The following BLTP3A variants were observed in gnomAD, a reference collection of about 807,000 sequenced individuals.
BLTP3A encodes the protein bridge-like lipid transfer protein family member 3A.
chr6:34,864,101 G>T, the BLTP3A span: 1 of 1,614,094 alleles, frequency 6.2e-7, no homozygotes, highest in Non-Finnish European at 8.5e-7. Flanking sequence ...TATCTCAACA[G>T]TCATTTGATG....
At chr6:34,805,592 CAAA>C in the BLTP3A span, among the ~76,000 whole-genome samples, 992 of 96,112 alleles carry the variant, frequency 0.01, 13 homozygotes, top group African/African-American at 0.031. Context: ...GACTTGGTCT[CAAA>C]AAAAAAAAAA....
chr6:34,845,715 G>C, the BLTP3A span, among the ~76,000 whole-genome samples: 8 of 152,004 alleles, frequency 5.3e-5, no homozygotes, highest in Non-Finnish European at 1.0e-4. Flanking sequence ...TCCTGCCTCA[G>C]CCTCCTGAGT....
the BLTP3A span, among the ~76,000 whole-genome samples, chr6:34,834,007 C>T: frequency 2.0e-5 from 3 of 150,392 alleles, no homozygotes; most frequent in Non-Finnish European, 4.4e-5. Context: ...GAGGCTGAGA[C>T]GAGAGGATCA....
At chr6:34,824,169 C>T in the BLTP3A span, among the ~76,000 whole-genome samples, 1 of 152,040 alleles carries the variant, frequency 6.6e-6, no homozygotes, top group African/African-American at 2.4e-5. Context: ...GTGAACCCAC[C>T]TGCAAATACT....
the BLTP3A span, among the ~76,000 whole-genome samples, chr6:34,847,921 C>CTTTCTTTTTTTTTTTTTTTTTTTTTTTTT: frequency 1.1e-4 from 10 of 91,168 alleles, 1 homozygote; most frequent in East Asian, 9.3e-4. Context: ...TCTTTTTTTC[C>CTTTCTTTTTTTTTTTTTTTTTTTTTTTTT]TTTTTTTTTT....
the BLTP3A span, among the ~76,000 whole-genome samples, chr6:34,868,167 G>A: frequency 1.6e-4 from 25 of 152,118 alleles, no homozygotes; most frequent in African/African-American, 5.1e-4. Context: ...TTAGCTGGGC[G>A]TGGTGGCGGG....
the BLTP3A span, chr6:34,870,838 G>A: frequency 1.1e-5 from 17 of 1,611,956 alleles, no homozygotes; most frequent in Non-Finnish European, 1.4e-5. Flanking sequence ...TGTCTTCCTT[G>A]TCTTTCTTCA....
At chr6:34,858,358 C>T in the BLTP3A span, 1 of 1,614,136 alleles carries the variant, frequency 6.2e-7, no homozygotes. Flanking sequence ...TTTTTTGCAT[C>T]ATGCCTTTCA....
the BLTP3A span, among the ~76,000 whole-genome samples, chr6:34,827,824 G>T: frequency 6.6e-6 from 1 of 152,036 alleles, no homozygotes; most frequent in Admixed American, 6.6e-5. Context: ...TAAGGACGGG[G>T]TTTCACCATG....
chr6:34,821,998 C>T, the BLTP3A span: 1 of 1,612,894 alleles, frequency 6.2e-7, no homozygotes, highest in Non-Finnish European at 8.5e-7. Context: ...TGGGGATGGC[C>T]AGGGTAGGCT....
the BLTP3A span, among the ~76,000 whole-genome samples, chr6:34,814,490 C>T: frequency 1.3e-5 from 2 of 152,208 alleles, no homozygotes; most frequent in Non-Finnish European, 2.9e-5. Flanking sequence ...ATCATTATTA[C>T]AGTCACAGGA....
the BLTP3A span, chr6:34,873,675 T>C: frequency 1.3e-5 from 2 of 152,216 alleles, no homozygotes; most frequent in Non-Finnish European, 2.9e-5. Context: ...GTTCATCAGC[T>C]AACTTACCTT....
the BLTP3A span, chr6:34,834,452 A>G: frequency 6.3e-7 from 1 of 1,599,354 alleles, no homozygotes; most frequent in Non-Finnish European, 8.5e-7. Flanking sequence ...GGAATATTCA[A>G]AGTCAGACTG....
At chr6:34,813,474 C>T in the BLTP3A span, among the ~76,000 whole-genome samples, 2 of 152,226 alleles carry the variant, frequency 1.3e-5, no homozygotes, top group Non-Finnish European at 2.9e-5. Context: ...ACATTGCAAT[C>T]CTCTGGCAGA....
At chr6:34,824,798 G>A in the BLTP3A span, among the ~76,000 whole-genome samples, 1 of 151,678 alleles carries the variant, frequency 6.6e-6, no homozygotes, top group African/African-American at 2.4e-5. Context: ...GGCCTCCTGA[G>A]TAGCTGGAAT....
chr6:34,832,310 C>T, the BLTP3A span, among the ~76,000 whole-genome samples: 1 of 151,772 alleles, frequency 6.6e-6, no homozygotes, highest in African/African-American at 2.4e-5. Context: ...TTTGTAGTGA[C>T]CAGGTCTCAC....
At chr6:34,806,845 A>G in the BLTP3A span, among the ~76,000 whole-genome samples, 1 of 152,192 alleles carries the variant, frequency 6.6e-6, no homozygotes, top group African/African-American at 2.4e-5. Flanking sequence ...CTTTTAGCAG[A>G]GACAGGGTTT....
At chr6:34,869,928 C>T in the BLTP3A span, among the ~76,000 whole-genome samples, 2 of 152,166 alleles carry the variant, frequency 1.3e-5, no homozygotes, top group Non-Finnish European at 2.9e-5. Flanking sequence ...GGATTACAGG[C>T]ATGAGCCACT....
At chr6:34,869,641 T>C in the BLTP3A span, among the ~76,000 whole-genome samples, 1 of 65,754 alleles carries the variant, frequency 1.5e-5, no homozygotes, top group Non-Finnish European at 2.7e-5. Flanking sequence ...CATACACCAC[T>C]TTTTTTTTTT....
Sources: gnomAD v4.1 joint callset for allele counts (sites outside exome capture counted in the v4.1 genomes callset) on GRCh38, gnomAD v4.1.1 for gene constraint, MANE v1.5 for transcripts, NCBI Gene and HGNC (gene_info 2026-07-23, HGNC 2026-07-21) for gene names.